SMAD2: variants seen among roughly 807,000 people sequenced by gnomAD.
SMAD2 encodes MAD homolog 2.
Under a neutral mutation model 64.4 loss-of-function variants are expected in SMAD2, and 8 were observed. The ratio of observed to expected loss-of-function variants is 0.12; its 90% CI spans 0.07 to 0.22. The LOEUF is 0.22. Among genes scored for constraint, SMAD2 ranks in the 10% least tolerant of loss-of-function variants. The pLI, the probability that SMAD2 is intolerant of heterozygous loss-of-function variation, is 1.00. For synonymous variants in SMAD2, 203 were observed against 195.8 expected (o/e 1.04, Z -0.31); for missense variants, 289 against 561.2 (o/e 0.51, Z 4.90).
Position 47,820,457 on chromosome 18 carries a change from G to A in SMAD2, c.*21370C>T, listed in dbSNP as rs1912529121. ...TTGTTTAAATTCAGAGTTTATTAGA[G>A]GTTGTTTCAAATATGGAAACAAGAC... On this transcript the variant is annotated 3_prime_UTR_variant, in exon 11 of 11. Coordinates refer to ENST00000262160, the MANE Select transcript of SMAD2 (RefSeq NM_005901.6). 1 of 152,110 alleles carries A rather than the reference G, an allele frequency of 6.6e-6. No homozygotes were observed. Among genetic ancestry groups the A allele is most frequent in the Non-Finnish European group, 1.5e-5 (1 of 68,010 alleles). 9.4% of individuals were successfully genotyped at this position (152,110 alleles called of 1,614,324 possible). A position where few individuals can be genotyped will look rare whatever the true frequency, so the allele number is the denominator to read the frequency against.
chr18:47,868,507 G>A (rs1423025424), intron 4 of SMAD2, 50 bp from the exon 5 acceptor site: 13 of 1,531,892 alleles, frequency 8.5e-6, no homozygotes, highest in Middle Eastern at 1.7e-4. Flanking sequence ...AAAGGGGAGT[G>A]GGGGAACCTT....
rs1912698348 is a variant in SMAD2, at chr18:47,825,015, T to A, written c.*16812A>T. ...CTGGAAAAAATATACACCAGTCGTT[T>A]TCTCTGGTTGTTGGAATCTGGGTGA... On this transcript the variant is annotated 3_prime_UTR_variant, in exon 11 of 11. Transcript: ENST00000262160. 6.6e-6 allele frequency: 1 copy of A among 152,184 alleles called. No individual in the cohort carries two copies. Among genetic ancestry groups the A allele is most frequent in the Admixed American group, 6.5e-5 (1 of 15,276 alleles). 9.4% of individuals were successfully genotyped at this position (152,184 alleles called of 1,614,324 possible).
chr18:47,888,189 G>GA (rs1318752809), intron 2 of SMAD2, among the ~76,000 whole-genome samples: 1 of 149,944 alleles, frequency 6.7e-6, no homozygotes, highest in Non-Finnish European at 1.5e-5. Flanking sequence ...TACTAGAGGG[G>GA]AAAAAAGGGA....
rs756206334 is a variant in SMAD2 at position 47,840,187 on chromosome 18, A to C, written c.*1640T>G. On this transcript the variant is annotated 3_prime_UTR_variant, in exon 11 of 11. Transcript: ENST00000262160. Reference sequence around the variant, plus strand: ...CCCAATAGAAAACCACCAAATGTTGAAAGTATTGAAAATGATACCTATAGA... The same window carrying C: ...CCCAATAGAAAACCACCAAATGTTGCAAGTATTGAAAATGATACCTATAGA... 3.7e-4 allele frequency: 87 copies of C among 233,184 alleles called. No individual in the cohort carries two copies. The highest frequency in any genetic ancestry group is 6.4e-4 in the Non-Finnish European group (75 of 117,928). The allele number at this position is 233,184 out of a possible 1,614,324, so 14.4% of individuals were successfully genotyped here.
intron 2 of SMAD2, among the ~76,000 whole-genome samples, chr18:47,872,710 C>T (rs1350344797): frequency 6.6e-6 from 1 of 152,074 alleles, no homozygotes; most frequent in African/African-American, 2.4e-5. Context: ...CATGCGAGGG[C>T]TTTAGGCTGG....
chr18:47,867,304 AT>A (rs899027876), intron 5 of SMAD2: 1 of 152,124 alleles, frequency 6.6e-6, no homozygotes, highest in African/African-American at 2.4e-5. Flanking sequence ...AAAACCAGCT[AT>A]TTAAAAAAAA....
At position 47,850,359 on chromosome 18, in the gene SMAD2, ATG is replaced by A. The variant is rs1483352470; in HGVS notation, c.784+913_784+914del. Among the ~76,000 whole-genome samples, 21 of 38,356 alleles carry A rather than the reference ATG, an allele frequency of 5.5e-4. 3 individuals are homozygous for A. The East Asian group carries it at 0.012, about 22-fold the overall frequency. The allele number at this position is 38,356 out of a possible 152,430, so 25.2% of individuals were successfully genotyped here. ...ATATGTTATATATATTATACATAATATGTATAATATATATTATATATATTATA... is the reference window on the plus strand; with the variant it reads ...ATATGTTATATATATTATACATAATATATAATATATATTATATATATTATA... On this transcript the variant is annotated intron_variant, in intron 7 of 10. Transcript: ENST00000262160.
rs946365407 is a variant in SMAD2 at position 47,833,451 on chromosome 18, G to A, written c.*8376C>T. Reference sequence around the variant, plus strand: ...ATCGTACTTTTGACAATCATAGAACGAAAGCTCACAAAGAACACATTTAAT... The same window carrying A: ...ATCGTACTTTTGACAATCATAGAACAAAAGCTCACAAAGAACACATTTAAT... On this transcript the variant is annotated 3_prime_UTR_variant, in exon 11 of 11. Transcript: ENST00000262160. 20 of 227,604 alleles carry A rather than the reference G, an allele frequency of 8.8e-5. No homozygotes were observed. Among genetic ancestry groups the A allele is most frequent in the African/African-American group, 1.6e-4 (7 of 44,980 alleles). The allele number at this position is 227,604 out of a possible 1,614,324, so 14.1% of individuals were successfully genotyped here.
chr18:47,845,634 T>C (rs752221076), intron 9 of SMAD2, 29 bp downstream of exon 9: 39 of 1,612,234 alleles, frequency 2.4e-5, no homozygotes, highest in Admixed American at 6.7e-5. Flanking sequence ...GTTGACATGA[T>C]AGGTTTATGT....
intron 1 of SMAD2, among the ~76,000 whole-genome samples, chr18:47,913,688 T>C (rs904761428): frequency 6.6e-6 from 1 of 152,204 alleles, no homozygotes; most frequent in African/African-American, 2.4e-5. Context: ...TAACAATGTG[T>C]TCCAGGTTAA....
At position 47,831,104 on chromosome 18, in the gene SMAD2, T is replaced by C. The variant is rs937878120; in HGVS notation, c.*10723A>G. On this transcript the variant is annotated 3_prime_UTR_variant, in exon 11 of 11. Transcript: ENST00000262160. ...AGAAGCACAATCTCACTGCAAACTA[T>C]GGAACCCAAACTATACAGCTATCCT... 9.2e-5 allele frequency: 14 copies of C among 152,290 alleles called. No individual in the cohort carries two copies. Among genetic ancestry groups the C allele is most frequent in the African/African-American group, 2.7e-4 (11 of 41,462 alleles). 9.4% of individuals were successfully genotyped at this position (152,290 alleles called of 1,614,324 possible).
At chr18:47,911,846 T>A (rs2034148820) in intron 1 of SMAD2, among the ~76,000 whole-genome samples, 1 of 152,174 alleles carries the variant, frequency 6.6e-6, no homozygotes, top group South Asian at 2.1e-4. Flanking sequence ...CAAAACTCCA[T>A]CAAACGCATG....
chr18:47,870,434 C>T (rs2144383548), intron 3 of SMAD2, 41 bp downstream of exon 3: 1 of 1,448,158 alleles, frequency 6.9e-7, no homozygotes, highest in Non-Finnish European at 9.7e-7. Context: ...TACCCCCCTC[C>T]CACAAGATCT....
At position 47,845,648 on chromosome 18, in the gene SMAD2, T is replaced by C. The variant is rs1914425644; in HGVS notation, c.1135+15A>G. 1 of 1,613,592 alleles carries C rather than the reference T, an allele frequency of 6.2e-7. No homozygotes were observed. Among genetic ancestry groups the C allele is most frequent in the African/African-American group, 1.3e-5 (1 of 75,024 alleles). On this transcript the variant is annotated intron_variant, in intron 9 of 10. Transcript: ENST00000262160. ...AGTTGACATGATAGGTTTATGTACA[T>C]TATTGAATCCATACCTGGTGGAATT...
chr18:47,926,351 C>G (rs2144555961), intron 1 of SMAD2, among the ~76,000 whole-genome samples: 1 of 152,162 alleles, frequency 6.6e-6, no homozygotes, highest in East Asian at 1.9e-4. Flanking sequence ...GATGAACATT[C>G]ATTACTATGC....
chr18:47,910,703 T>C (rs574006984), intron 1 of SMAD2, among the ~76,000 whole-genome samples: 8 of 152,316 alleles, frequency 5.3e-5, no homozygotes, highest in Admixed American at 2.0e-4. Flanking sequence ...GAATAGTATA[T>C]GTATTTTCTC....
At chr18:47,898,807 C>T (rs112579814) in intron 1 of SMAD2, among the ~76,000 whole-genome samples, 3,260 of 152,142 alleles carry the variant, frequency 0.021, 75 homozygotes, top group African/African-American at 0.058. Flanking sequence ...TTGCTTTAGG[C>T]GTCAGGAAAG....
In SMAD2 at chr18:47,833,119, CTTTCT is replaced by C. The variant is rs1406462340; in HGVS notation, c.*8703_*8707del. On this transcript the variant is annotated 3_prime_UTR_variant, in exon 11 of 11. Transcript: ENST00000262160. ...GTAACATGGTAAACAACTCAAATGGCTTTCTTTTAATGCTAGGAAAACTGTCCACC... is the reference window on the plus strand; with the variant it reads ...GTAACATGGTAAACAACTCAAATGGCTTTAATGCTAGGAAAACTGTCCACC... The C allele has an allele frequency of 1.0e-5, 2 of 193,806 alleles. No individual in the cohort carries two copies. The highest frequency in any genetic ancestry group is 2.2e-5 in the Non-Finnish European group (2 of 92,694). 12.0% of individuals were successfully genotyped at this position (193,806 alleles called of 1,614,324 possible). A position where few individuals can be genotyped will look rare whatever the true frequency, so the allele number is the denominator to read the frequency against.
chr18:47,882,143 C>T lies in SMAD2; in HGVS notation c.237-11579G>A, dbSNP rs184217436. Among the ~76,000 whole-genome samples, 142 of 145,588 alleles carry T rather than the reference C, an allele frequency of 9.8e-4. 1 individual carries two copies. Among genetic ancestry groups the T allele is most frequent in the South Asian group, 2.2e-3 (10 of 4,456 alleles). On this transcript the variant is annotated intron_variant, in intron 2 of 10. Coordinates refer to ENST00000262160, the MANE Select transcript of SMAD2 (RefSeq NM_005901.6). Reference sequence around the variant, plus strand: ...TCAAGCAATCCTACTGCGTTGGCCTCCCAAAGTGCTGGGATTAGAGGCATA... The same window carrying T: ...TCAAGCAATCCTACTGCGTTGGCCTTCCAAAGTGCTGGGATTAGAGGCATA...
Sources: allele counts gnomAD v4.1 joint callset (sites outside exome capture counted in the v4.1 genomes callset), GRCh38; gene constraint gnomAD v4.1.1; transcripts MANE v1.5; gene names NCBI Gene and HGNC (gene_info 2026-07-23, HGNC 2026-07-21).